The following DNAI1 variants were observed in gnomAD, a reference collection of about 807,000 sequenced individuals.
DNAI1 encodes dynein, axonemal, intermediate polypeptide 1.
In DNAI1, 67 loss-of-function variants were observed where a neutral mutation model predicts 92.0. The observed-to-expected ratio is 0.73, with a 90% CI of 0.60 to 0.89. The LOEUF is 0.89. Ranked by LOEUF, DNAI1 falls within the 40% of genes least tolerant of loss-of-function variation. The pLI is 0.00. For missense variants in DNAI1, 839 were observed against 866.6 expected, an observed-to-expected ratio of 0.97 and a Z score of 0.40; for synonymous variants, 323 against 319.6, an observed-to-expected ratio of 1.01 and a Z score of -0.11.
At chr9:34,491,633 C>T (rs1327050092) in intron 8 of DNAI1, 79 bp downstream of exon 8, 29 of 1,504,750 alleles carry the variant, frequency 1.9e-5, no homozygotes, top group Non-Finnish European at 2.5e-5. Flanking sequence ...AAAGGCAACA[C>T]TGGGTCAAGG....
At chr9:34,467,819 A>G (rs1006019779) in intron 1 of DNAI1, among the ~76,000 whole-genome samples, 2 of 152,186 alleles carry the variant, frequency 1.3e-5, no homozygotes, top group African/African-American at 4.8e-5. Flanking sequence ...ACAACATAGG[A>G]CAGTGATTCC....
intron 8 of DNAI1, among the ~76,000 whole-genome samples, chr9:34,492,493 G>GATACATAT (rs1554688186): frequency 1.5e-5 from 1 of 68,268 alleles, no homozygotes; most frequent in Non-Finnish European, 3.1e-5. Flanking sequence ...GGGATATGAA[G>GATACATAT]ATATATATAT....
chr9:34,520,514 G>C, intron 19 of DNAI1, 144 bp from the exon 20 acceptor site: 1 of 761,894 alleles, frequency 1.3e-6, no homozygotes, highest in Non-Finnish European at 2.3e-6. Context: ...ATCGTGTCAG[G>C]GAGAGGGGAG....
At chr9:34,469,541 A>G (rs1381373293) in intron 1 of DNAI1, among the ~76,000 whole-genome samples, 1 of 151,910 alleles carries the variant, frequency 6.6e-6, no homozygotes, top group African/African-American at 2.4e-5. Flanking sequence ...TGCTGGGACT[A>G]CAGCACTTTT....
Position 34,520,907 on chromosome 9 carries a change from A to T in DNAI1, c.*151A>T, listed in dbSNP as rs1317628397. On this transcript the variant is annotated 3_prime_UTR_variant, in exon 20 of 20. Coordinates refer to ENST00000242317, the MANE Select transcript of DNAI1 (RefSeq NM_012144.4). ...TTCTTGTTCTGTTCCTTAAGGTCCC[A>T]GCACCTTACCCCAGGACTTGGTCTT... 2.6e-6 allele frequency: 2 copies of T among 781,630 alleles called. No homozygotes were observed. The highest frequency in any genetic ancestry group is 4.4e-6 in the Non-Finnish European group (2 of 457,326). The allele number at this position is 781,630 out of a possible 1,614,324, so 48.4% of individuals were successfully genotyped here. A position where few individuals can be genotyped will look rare whatever the true frequency, so the allele number is the denominator to read the frequency against.
chr9:34,471,346 G>A (rs1824129829), intron 1 of DNAI1, among the ~76,000 whole-genome samples: 1 of 151,356 alleles, frequency 6.6e-6, no homozygotes, highest in Non-Finnish European at 1.5e-5. Flanking sequence ...GGTCGCTTAA[G>A]CCCATGAAGT....
At chr9:34,493,888 T>TCCCCCCC (rs1281898032) in intron 9 of DNAI1, among the ~76,000 whole-genome samples, 34 of 152,116 alleles carry the variant, frequency 2.2e-4, no homozygotes, top group Admixed American at 5.9e-4. Context: ...ATTATAAAGG[T>TCCCCCCC]CATGGTTGAG....
intron 13 of DNAI1, 49 bp from the exon 14 acceptor site, chr9:34,512,060 A>G: frequency 1.3e-6 from 2 of 1,588,332 alleles, no homozygotes; most frequent in Non-Finnish European, 8.6e-7. Flanking sequence ...CACAGCCCTA[A>G]CTCAACACTT....
chr9:34,489,972 C>G (rs776566668), intron 5 of DNAI1, 40 bp from the exon 6 acceptor site: 2 of 1,609,590 alleles, frequency 1.2e-6, no homozygotes, highest in Admixed American at 1.7e-5. Flanking sequence ...ATTGGGAGAG[C>G]AGGCTTAGAC....
At chr9:34,512,472 G>T (rs367851673) in intron 15 of DNAI1, 48 bp downstream of exon 15, 3 of 1,561,030 alleles carry the variant, frequency 1.9e-6, no homozygotes, top group African/African-American at 1.4e-5. Flanking sequence ...GGTCATTCAG[G>T]CCCAGTGAGG....
intron 7 of DNAI1, 44 bp downstream of exon 7, chr9:34,490,532 G>A: frequency 6.2e-7 from 1 of 1,612,980 alleles, no homozygotes; most frequent in Non-Finnish European, 8.5e-7. Context: ...TCTTCACTGT[G>A]CCTGGCAGGG....
chr9:34,483,458 T>C lies in DNAI1; in HGVS notation c.59T>C (p.Ile20Thr), dbSNP rs1382196910. ...HKQPHKQSIS[I>T]GRGTRKRDED... Reference sequence around the variant, plus strand: ...CTGTTCTTCATTTAGAGCATCAGCATAGGCAGAGGAACCAGGAAGAGAGTA... The same window carrying C: ...CTGTTCTTCATTTAGAGCATCAGCACAGGCAGAGGAACCAGGAAGAGAGTA... The change falls in exon 2 of 20, where the codon ATA (isoleucine) becomes ACA (threonine). Residue 20 changes from isoleucine to threonine, a missense_variant. Physicochemically the swap from Ile to Thr is moderately conservative, Grantham distance 89. Coordinates refer to ENST00000242317, the MANE Select transcript of DNAI1 (RefSeq NM_012144.4). 3 of 1,612,372 alleles carry C rather than the reference T, an allele frequency of 1.9e-6. No individual in the cohort carries two copies. The highest frequency in any genetic ancestry group is 2.2e-5 in the East Asian group (1 of 44,886).
intron 11 of DNAI1, 34 bp downstream of exon 11, chr9:34,500,873 C>T (rs1824818004): frequency 1.3e-6 from 2 of 1,547,448 alleles, no homozygotes; most frequent in Non-Finnish European, 1.8e-6. Context: ...TGCAGAGCCC[C>T]TGAGTGCCCT....
chr9:34,502,039 G>A (rs72735244), intron 12 of DNAI1, among the ~76,000 whole-genome samples: 7,561 of 152,294 alleles, frequency 0.05, 273 homozygotes, highest in Non-Finnish European at 0.065. Context: ...CTCTGGCTGG[G>A]AGGATCAGCT....
chr9:34,512,114 G>A lies in DNAI1; in HGVS notation c.1317G>A (p.Lys439=). The change falls in exon 14 of 20, where the codon AAG becomes AAA. Residue 439 remains lysine (K), a synonymous_variant. Transcript: ENST00000242317. ...GKHSDPVWQV[K]WQKDDMDQNL... is the part of the protein sequence containing the mutation. ...CACATTTTGGGATGTTTCAGGTCAAGTGGCAGAAGGATGACATGGACCAAA... is the reference window on the plus strand; with the variant it reads ...CACATTTTGGGATGTTTCAGGTCAAATGGCAGAAGGATGACATGGACCAAA... 6.2e-7 allele frequency: 1 copy of A among 1,614,156 alleles called. No individual in the cohort carries two copies. The highest frequency in any genetic ancestry group is 8.5e-7 in the Non-Finnish European group (1 of 1,180,006).
intron 1 of DNAI1, among the ~76,000 whole-genome samples, chr9:34,479,757 A>G (rs1405039676): frequency 1.3e-5 from 2 of 152,162 alleles, no homozygotes; most frequent in Non-Finnish European, 2.9e-5. Flanking sequence ...GCTTAGCCTC[A>G]GAGAAGGGTT....
chr9:34,496,194 C>T (rs1428608832), intron 9 of DNAI1, among the ~76,000 whole-genome samples: 8 of 151,716 alleles, frequency 5.3e-5, no homozygotes, highest in South Asian at 2.1e-4. Context: ...AGGTTGCCAC[C>T]GGGTTCTAAT....
intron 9 of DNAI1, 82 bp downstream of exon 9, chr9:34,493,410 T>C (rs997627355): frequency 7.6e-6 from 12 of 1,583,532 alleles, no homozygotes; most frequent in Non-Finnish European, 1.0e-5. Context: ...CCTGGCTGTC[T>C]GGGAGGGGTT....
chr9:34,478,805 C>T (rs77331677), intron 1 of DNAI1: 6 of 152,314 alleles, frequency 3.9e-5, no homozygotes, highest in Non-Finnish European at 5.9e-5. Context: ...AGCATAAGAA[C>T]GCCAAGCTGC....
Sources: allele counts gnomAD v4.1 joint callset (sites outside exome capture counted in the v4.1 genomes callset), GRCh38; gene constraint gnomAD v4.1.1; transcripts MANE v1.5; gene names NCBI Gene and HGNC (gene_info 2026-07-23, HGNC 2026-07-21).